Variants in HMOX2 observed in about 807,000 individuals in gnomAD.
HMOX2 encodes the protein heme oxygenase (decycling) 2.
In HMOX2, 30 loss-of-function variants were observed where a neutral mutation model predicts 33.7. That is an observed-to-expected ratio of 0.89 (90% CI 0.67 to 1.21). HMOX2 has a LOEUF of 1.21. Among genes scored for constraint, HMOX2 ranks in the 50% most tolerant of loss-of-function variants. HMOX2 has a pLI of 0.00. For missense variants in HMOX2, 403 were observed against 399.1 expected (o/e 1.01, Z -0.08); for synonymous variants, 155 against 155.0 (o/e 1.00, Z 0.00).
chr16:4,505,927 G>A (rs573484377), intron 2 of HMOX2, among the ~76,000 whole-genome samples: 19 of 152,282 alleles, frequency 1.2e-4, no homozygotes, highest in African/African-American at 4.6e-4. Flanking sequence ...GTAAACGCAG[G>A]CAAAGCTGGC....
chr16:4,483,223 G>C (rs1390927277), intron 1 of HMOX2, among the ~76,000 whole-genome samples: 4 of 119,948 alleles, frequency 3.3e-5, no homozygotes, highest in African/African-American at 1.4e-4. Context: ...GTGTGTGTGT[G>C]TTTATGGAGG....
At chr16:4,508,343 A>T (rs542622112) in intron 4 of HMOX2, 139 bp downstream of exon 4, 1 of 962,008 alleles carries the variant, frequency 1.0e-6, no homozygotes, top group South Asian at 1.7e-5. Context: ...TGGCCACCAG[A>T]TTGGCCACCA....
At chr16:4,508,350 A>C in intron 4 of HMOX2, 146 bp downstream of exon 4, 1 of 901,726 alleles carries the variant, frequency 1.1e-6, no homozygotes, top group Non-Finnish European at 1.7e-6. Flanking sequence ...CAGATTGGCC[A>C]CCAGAGCTTG....
At chr16:4,478,924 G>C (rs2057943283) in intron 1 of HMOX2, among the ~76,000 whole-genome samples, 1 of 152,012 alleles carries the variant, frequency 6.6e-6, no homozygotes, top group Non-Finnish European at 1.5e-5. Context: ...GGAGACCAAG[G>C]CGGGTGGATC....
chr16:4,491,974 G>A (rs767939226), intron 1 of HMOX2, among the ~76,000 whole-genome samples: 1 of 151,972 alleles, frequency 6.6e-6, no homozygotes, highest in Non-Finnish European at 1.5e-5. Flanking sequence ...GAGCCACTGT[G>A]CCTAACCCCC....
At chr16:4,490,589 T>G (rs979379858) in intron 1 of HMOX2, among the ~76,000 whole-genome samples, 1 of 152,208 alleles carries the variant, frequency 6.6e-6, no homozygotes, top group Admixed American at 6.5e-5. Flanking sequence ...TTTTAAATGT[T>G]TAGCTTCCAG....
At chr16:4,477,971 G>C (rs1402709821) in intron 1 of HMOX2, among the ~76,000 whole-genome samples, 1 of 152,164 alleles carries the variant, frequency 6.6e-6, no homozygotes, top group Non-Finnish European at 1.5e-5. Context: ...CTTATCAGGA[G>C]TTCACAGTTA....
chr16:4,500,516 C>G (rs189671596), intron 1 of HMOX2, among the ~76,000 whole-genome samples: 1 of 152,288 alleles, frequency 6.6e-6, no homozygotes, highest in East Asian at 1.9e-4. Context: ...GTTGCTTACT[C>G]TCGGTGCTGG....
In HMOX2 at chr16:4,499,042, A is replaced by G. The variant is rs147573733; in HGVS notation, c.-41-6442A>G. On this transcript the variant is annotated intron_variant, in intron 1 of 5. Coordinates refer to ENST00000570646, the MANE Select transcript of HMOX2 (RefSeq NM_002134.4). ...CACCTTAGAAAGGGCAGATATTCCTATTTCCTGACGCTGCTGGAGAATGAG... is the reference window on the plus strand; with the variant it reads ...CACCTTAGAAAGGGCAGATATTCCTGTTTCCTGACGCTGCTGGAGAATGAG... 2.9e-3 allele frequency among the ~76,000 whole-genome samples: 441 copies of G among 152,282 alleles called. 3 individuals carry two copies. The highest frequency in any genetic ancestry group is 0.01 in the African/African-American group (416 of 41,542).
intron 4 of HMOX2, among the ~76,000 whole-genome samples, chr16:4,508,786 G>C (rs1383123407): frequency 3.9e-5 from 6 of 152,184 alleles, no homozygotes; most frequent in Admixed American, 3.9e-4. Flanking sequence ...CCTAGAAATG[G>C]GGATGTACTC....
chr16:4,484,308 C>G (rs2058107893), intron 1 of HMOX2, among the ~76,000 whole-genome samples: 1 of 152,152 alleles, frequency 6.6e-6, no homozygotes, highest in Non-Finnish European at 1.5e-5. Context: ...GCACCACATT[C>G]AAGTCCAAAT....
intron 1 of HMOX2, among the ~76,000 whole-genome samples, chr16:4,502,546 C>A (rs971593773): frequency 6.6e-6 from 1 of 152,036 alleles, no homozygotes; most frequent in Non-Finnish European, 1.5e-5. Flanking sequence ...ACTTCCATCA[C>A]CCATCTAGAG....
At chr16:4,478,949 G>A (rs566014786) in intron 1 of HMOX2, among the ~76,000 whole-genome samples, 2 of 152,260 alleles carry the variant, frequency 1.3e-5, no homozygotes, top group African/African-American at 4.8e-5. Flanking sequence ...GAGGTCAGGA[G>A]TTCGAGACCA....
In HMOX2 at chr16:4,505,744, T is replaced by G. The variant is rs529014822; in HGVS notation, c.86+134T>G. Reference sequence around the variant, plus strand: ...AGCTCTGGACCCCTGGGTGCCTGCTTGGCCCTGCAGGGACCGCATACAGCT... The same window carrying G: ...AGCTCTGGACCCCTGGGTGCCTGCTGGGCCCTGCAGGGACCGCATACAGCT... On this transcript the variant is annotated intron_variant, in intron 2 of 5. Coordinates refer to ENST00000570646, the MANE Select transcript of HMOX2 (RefSeq NM_002134.4). 4 of 622,724 alleles carry G rather than the reference T, an allele frequency of 6.4e-6. No individual in the cohort carries two copies. The South Asian group carries it at 8.7e-5, about 14-fold the overall frequency. 38.6% of individuals were successfully genotyped at this position (622,724 alleles called of 1,614,324 possible). A position where few individuals can be genotyped will look rare whatever the true frequency, so the allele number is the denominator to read the frequency against.
At chr16:4,488,204 C>G (rs147510012) in intron 1 of HMOX2, among the ~76,000 whole-genome samples, 2 of 151,326 alleles carry the variant, frequency 1.3e-5, no homozygotes, top group African/African-American at 4.8e-5. Context: ...TGGACAGTTG[C>G]CTTTTCCATT....
chr16:4,493,825 C>A (rs2058356819), intron 1 of HMOX2, among the ~76,000 whole-genome samples: 1 of 152,142 alleles, frequency 6.6e-6, no homozygotes, highest in African/African-American at 2.4e-5. Flanking sequence ...CTTGTTGAAC[C>A]CAATTTCTAC....
chr16:4,496,852 T>G (rs2058433320), intron 1 of HMOX2: 2 of 149,498 alleles, frequency 1.3e-5, no homozygotes, highest in Non-Finnish European at 1.5e-5. Flanking sequence ...AAAAAAAAAT[T>G]ATTTTATTAT....
upstream of HMOX2, chr16:4,476,313 A>AGGGCGTGTCAGCTACAAG (rs2057830081): frequency 6.6e-6 from 1 of 152,258 alleles, no homozygotes; most frequent in African/African-American, 2.4e-5. Context: ...GCCCCCGGCA[A>AGGGCGTGTCAGCTACAAG]GGGCGTGTCA....
At chr16:4,492,123 G>A (rs2058319632) in intron 1 of HMOX2, among the ~76,000 whole-genome samples, 3 of 152,052 alleles carry the variant, frequency 2.0e-5, no homozygotes, top group African/African-American at 4.8e-5. Flanking sequence ...GATTCCTTGA[G>A]GCTAGGAGTT....
Sources: gnomAD v4.1 joint callset for allele counts (sites outside exome capture counted in the v4.1 genomes callset) on GRCh38, gnomAD v4.1.1 for gene constraint, MANE v1.5 for transcripts, NCBI Gene and HGNC (gene_info 2026-07-23, HGNC 2026-07-21) for gene names.